The following MTUS2 variants were observed in gnomAD, a reference collection of about 807,000 sequenced individuals.
MTUS2 encodes microtubule-associated tumor suppressor candidate 2.
In MTUS2, 40 loss-of-function variants were observed where a neutral mutation model predicts 114.1. The observed-to-expected ratio is 0.35, with a 90% confidence interval of 0.27 to 0.46. The LOEUF is 0.46. Among genes scored for constraint, MTUS2 ranks in the 20% least tolerant of loss-of-function variants. The pLI, the probability that MTUS2 is intolerant of heterozygous loss-of-function variation, is 1.00. For synonymous variants in MTUS2, 688 were observed against 672.0 expected, an observed-to-expected ratio of 1.02 and a Z score of -0.37; for missense variants, 1,679 against 1,705.4, an observed-to-expected ratio of 0.98 and a Z score of 0.27.
intron 5 of MTUS2, among the ~76,000 whole-genome samples, chr13:29,251,570 C>T (rs1897126249): frequency 6.6e-6 from 1 of 152,154 alleles, no homozygotes; most frequent in Admixed American, 6.5e-5. Flanking sequence ...ACACTGACTC[C>T]CCATTTATCC....
chr13:29,347,488 C>G (rs1008974307), intron 7 of MTUS2, among the ~76,000 whole-genome samples: 2 of 151,980 alleles, frequency 1.3e-5, no homozygotes, highest in Non-Finnish European at 2.9e-5. Flanking sequence ...TTATTGATCT[C>G]TAACTTGTAA....
intron 6 of MTUS2, among the ~76,000 whole-genome samples, chr13:29,310,059 G>T (rs78223727): frequency 6.6e-6 from 1 of 151,012 alleles, no homozygotes; most frequent in South Asian, 2.1e-4. Context: ...ATCCCCAATT[G>T]CCTGCAACCC....
At chr13:29,404,076 C>T (rs1270011553) in intron 8 of MTUS2, among the ~76,000 whole-genome samples, 1 of 150,582 alleles carries the variant, frequency 6.6e-6, no homozygotes, top group Non-Finnish European at 1.5e-5. Context: ...TTGGTTGCTT[C>T]AGAGAAAGAA....
At chr13:28,983,557 T>A (rs867807251) in intron 2 of MTUS2, among the ~76,000 whole-genome samples, 33 of 152,342 alleles carry the variant, frequency 2.2e-4, no homozygotes, top group Middle Eastern at 3.4e-3. Flanking sequence ...TCTCACTTGT[T>A]TGATTTGAAT....
chr13:29,138,083 A>G (rs954377251), intron 5 of MTUS2, among the ~76,000 whole-genome samples: 1 of 152,118 alleles, frequency 6.6e-6, no homozygotes, highest in African/African-American at 2.4e-5. Flanking sequence ...GATCCTTGAC[A>G]TTTGGAAGAC....
At chr13:28,832,718 G>A (rs968054522) in intron 1 of MTUS2, among the ~76,000 whole-genome samples, 1 of 147,498 alleles carries the variant, frequency 6.8e-6, no homozygotes, top group Admixed American at 6.8e-5. Flanking sequence ...AGTACACAAT[G>A]TAAACTATAG....
chr13:29,390,333 A>T (rs1873335775), intron 8 of MTUS2, among the ~76,000 whole-genome samples: 1 of 152,014 alleles, frequency 6.6e-6, no homozygotes, highest in South Asian at 2.1e-4. Context: ...AGAAAAGTGG[A>T]TTTGTAAGAT....
rs1434486934 is a variant in MTUS2 at position 29,142,584 on chromosome 13, T to C, written c.2644+41614T>C. 2.0e-5 allele frequency among the ~76,000 whole-genome samples: 3 copies of C among 152,308 alleles called. No homozygotes were observed. The East Asian group carries it at 5.8e-4, about 29-fold the overall frequency. The stretch of plus-strand genomic sequence containing the variant: ...AGCTGGGCGTGGTAGCCGGTGTCTG[T>C]AATCCCAGCTACTCAGGAGGCTGAG... On this transcript the variant is annotated intron_variant, in intron 5 of 15. Coordinates refer to ENST00000612955, the MANE Select transcript of MTUS2 (RefSeq NM_001033602.4).
At chr13:29,482,204 C>G (rs894222103) in intron 10 of MTUS2, 3 of 152,268 alleles carry the variant, frequency 2.0e-5, no homozygotes, top group African/African-American at 7.2e-5. Flanking sequence ...GCAGGAGACC[C>G]TGAACGAAGC....
chr13:29,497,289 C>T lies in MTUS2; in HGVS notation c.3631C>T (p.Arg1211Cys), dbSNP rs749680857. ...GAGCCAGTCTCTGCGGGACAGAGCCCGCCGCTTCGAAGAGGCCTTGAGGAA... is the reference window on the plus strand; with the variant it reads ...GAGCCAGTCTCTGCGGGACAGAGCCTGCCGCTTCGAAGAGGCCTTGAGGAA... The part of the protein sequence containing the change: ...FQSQSLRDRA[R>C]RFEEALRKNT... Residue 1211 changes from arginine to cysteine, a missense_variant, in exon 13 of 16, where the codon CGC (arginine) becomes TGC (cysteine). Around this residue, in one of 3 missense-constraint regions of MTUS2, gnomAD observed 822 missense variants for 899.7 expected, o/e 0.91. Coordinates refer to ENST00000612955, the MANE Select transcript of MTUS2 (RefSeq NM_001033602.4). The T allele has an allele frequency of 4.3e-6, 7 of 1,612,056 alleles. No individual in the cohort carries two copies. The highest frequency in any genetic ancestry group is 2.7e-5 in the African/African-American group (2 of 74,864).
chr13:29,110,504 T>A, intron 5 of MTUS2, among the ~76,000 whole-genome samples: 1 of 151,774 alleles, frequency 6.6e-6, no homozygotes, highest in Non-Finnish European at 1.5e-5. Context: ...AGTATCTAGT[T>A]CCCTGGAATC....
At chr13:29,171,178 G>A (rs926131065) in intron 5 of MTUS2, among the ~76,000 whole-genome samples, 4 of 151,772 alleles carry the variant, frequency 2.6e-5, no homozygotes, top group Admixed American at 6.6e-5. Flanking sequence ...GTGTTGGGTG[G>A]GTAATTGTAG....
chr13:29,140,892 G>A (rs1422806696), intron 5 of MTUS2, among the ~76,000 whole-genome samples: 1 of 152,118 alleles, frequency 6.6e-6, no homozygotes, highest in Non-Finnish European at 1.5e-5. Flanking sequence ...CCCATGCCTG[G>A]CATTCTATTT....
chr13:28,946,392 A>T (rs1882537337), intron 2 of MTUS2, among the ~76,000 whole-genome samples: 1 of 152,074 alleles, frequency 6.6e-6, no homozygotes, highest in South Asian at 2.1e-4. Context: ...GTGCAAGGGA[A>T]TAGGACTTTT....
intron 4 of MTUS2, among the ~76,000 whole-genome samples, chr13:29,084,532 C>T (rs1385976202): frequency 2.0e-5 from 3 of 149,144 alleles, no homozygotes; most frequent in Admixed American, 1.3e-4. Context: ...CCCCTCTCCC[C>T]CCCTTCTTTT....
intron 4 of MTUS2, among the ~76,000 whole-genome samples, chr13:29,036,141 C>CAAAAAAAAAAA (rs397851632): frequency 9.5e-5 from 3 of 31,654 alleles, no homozygotes; most frequent in Non-Finnish European, 2.1e-4. Context: ...GAGACTGTCT[C>CAAAAAAAAAAA]AAAAAAAAAA....
At chr13:29,227,938 A>G (rs1418515104) in intron 5 of MTUS2, among the ~76,000 whole-genome samples, 1 of 152,230 alleles carries the variant, frequency 6.6e-6, no homozygotes, top group Non-Finnish European at 1.5e-5. Flanking sequence ...ATTCCAAAAC[A>G]TATCCAGTTT....
chr13:28,915,122 GATC>G (rs1240971958), intron 2 of MTUS2, among the ~76,000 whole-genome samples: 1 of 151,464 alleles, frequency 6.6e-6, no homozygotes, highest in Non-Finnish European at 1.5e-5. Context: ...GTGAATTGAG[GATC>G]TCATTCTTTT....
chr13:29,073,552 G>T (rs1889042862), intron 4 of MTUS2, among the ~76,000 whole-genome samples: 1 of 152,098 alleles, frequency 6.6e-6, no homozygotes, highest in Non-Finnish European at 1.5e-5. Context: ...TGTGTTTGGG[G>T]GTGGGGGGTT....
Sources: gnomAD v4.1 joint callset for allele counts (sites outside exome capture counted in the v4.1 genomes callset) on GRCh38, gnomAD v4.1.1 for gene constraint, gnomAD v4.1.1 regional missense constraint, MANE v1.5 for transcripts, NCBI Gene and HGNC (gene_info 2026-07-23, HGNC 2026-07-21) for gene names.